LEKR1: variants seen among roughly 807,000 people sequenced by gnomAD.
The protein encoded by LEKR1 is protein LEKR1.
LEKR1 carries 59 observed loss-of-function variants against 72.4 expected under a neutral mutation model. The ratio of observed to expected loss-of-function variants is 0.82; its 90% CI spans 0.66 to 1.01. The LOEUF is 1.01. Ranked by LOEUF, LEKR1 falls within the 50% of genes least tolerant of loss-of-function variation. The pLI, the probability that LEKR1 is intolerant of heterozygous loss-of-function variation, is 0.00. For missense variants in LEKR1, 728 were observed against 759.2 expected, an observed-to-expected ratio of 0.96 and a Z score of 0.48; for synonymous variants, 257 against 263.2, an observed-to-expected ratio of 0.98 and a Z score of 0.23.
intron 9 of LEKR1, among the ~76,000 whole-genome samples, chr3:157,005,615 A>G (rs1260747689): frequency 6.6e-6 from 1 of 152,174 alleles, no homozygotes; most frequent in Admixed American, 6.5e-5. Context: ...TAAATCATGA[A>G]TAAGTGGAGT....
At chr3:156,952,316 A>G (rs1400895183) in intron 6 of LEKR1, among the ~76,000 whole-genome samples, 1 of 151,478 alleles carries the variant, frequency 6.6e-6, no homozygotes, top group Non-Finnish European at 1.5e-5. Context: ...AGTAGTAGCA[A>G]CAAAAATGCA....
chr3:156,976,127 A>G (rs896304685), intron 6 of LEKR1, among the ~76,000 whole-genome samples: 1 of 152,140 alleles, frequency 6.6e-6, no homozygotes, highest in African/African-American at 2.4e-5. Flanking sequence ...GGACCAGACT[A>G]GTCTACCAGA....
intron 2 of LEKR1, among the ~76,000 whole-genome samples, chr3:156,830,570 C>T (rs903238670): frequency 6.6e-6 from 1 of 152,090 alleles, no homozygotes; most frequent in African/African-American, 2.4e-5. Flanking sequence ...CCAACAGGTG[C>T]AAAAACCATG....
At chr3:156,971,798 C>G (rs1018306793) in intron 6 of LEKR1, among the ~76,000 whole-genome samples, 11 of 152,312 alleles carry the variant, frequency 7.2e-5, no homozygotes, top group African/African-American at 1.9e-4. Flanking sequence ...GAGATACCAT[C>G]TCACACCAGT....
At chr3:156,928,641 G>T (rs1290213012) in intron 5 of LEKR1, among the ~76,000 whole-genome samples, 1 of 152,010 alleles carries the variant, frequency 6.6e-6, no homozygotes, top group South Asian at 2.1e-4. Context: ...GAAGTAAGGG[G>T]ATATCCCAGA....
chr3:156,967,184 A>C (rs934273919), intron 6 of LEKR1, among the ~76,000 whole-genome samples: 3 of 152,230 alleles, frequency 2.0e-5, no homozygotes, highest in Non-Finnish European at 4.4e-5. Flanking sequence ...GGGAAAAAAC[A>C]GAGCAGAAAA....
chr3:156,925,558 A>G (rs2108574842), intron 4 of LEKR1, among the ~76,000 whole-genome samples: 1 of 152,038 alleles, frequency 6.6e-6, no homozygotes, highest in Admixed American at 6.6e-5. Context: ...CTTATTTCAC[A>G]GAGAATGTTA....
At chr3:156,955,936 G>A (rs1177400282) in intron 6 of LEKR1, among the ~76,000 whole-genome samples, 1 of 145,108 alleles carries the variant, frequency 6.9e-6, no homozygotes, top group South Asian at 2.3e-4. Flanking sequence ...TTGGGAAAAG[G>A]ATGTTCATAC....
intron 3 of LEKR1, among the ~76,000 whole-genome samples, chr3:156,880,736 AT>A (rs1719206893): frequency 6.6e-6 from 1 of 152,250 alleles, no homozygotes; most frequent in Non-Finnish European, 1.5e-5. Flanking sequence ...ATGAACATTG[AT>A]GCAAAAATCC....
In LEKR1 at chr3:156,914,211, C is replaced by A. The variant is rs534785188; in HGVS notation, c.264-6364C>A. Reference sequence around the variant, plus strand: ...TAAGTTCTGTGATACATGTGCAGAACGTGCAGGTTTGTTACATAAGTATAC... The same window carrying A: ...TAAGTTCTGTGATACATGTGCAGAAAGTGCAGGTTTGTTACATAAGTATAC... On this transcript the variant is annotated intron_variant, in intron 3 of 12. Coordinates refer to ENST00000356539, the MANE Select transcript of LEKR1 (RefSeq NM_001004316.3). Among the ~76,000 whole-genome samples the A allele has an allele frequency of 6.6e-5, 10 of 152,216 alleles. No homozygotes were observed. In the South Asian group the frequency reaches 2.1e-3, roughly 32 times the overall value.
intron 3 of LEKR1, among the ~76,000 whole-genome samples, chr3:156,917,684 A>G (rs1560078453): frequency 6.6e-6 from 1 of 152,162 alleles, no homozygotes; most frequent in Non-Finnish European, 1.5e-5. Flanking sequence ...ATAAAATAAC[A>G]TGTTCAGACA....
chr3:156,835,951 G>T (rs1002636592), intron 2 of LEKR1, among the ~76,000 whole-genome samples: 2 of 129,696 alleles, frequency 1.5e-5, no homozygotes, highest in Admixed American at 2.0e-4. Flanking sequence ...TCGACTCACT[G>T]CAACCTTCGC....
At chr3:156,865,700 G>A (rs560081801) in intron 3 of LEKR1, among the ~76,000 whole-genome samples, 3 of 152,070 alleles carry the variant, frequency 2.0e-5, no homozygotes, top group African/African-American at 7.2e-5. Context: ...ATAGGTTCAT[G>A]TTTTCTTTAG....
At chr3:156,862,201 G>T (rs1205538740) in intron 3 of LEKR1, among the ~76,000 whole-genome samples, 1 of 151,586 alleles carries the variant, frequency 6.6e-6, no homozygotes, top group African/African-American at 2.4e-5. Context: ...TTTTTTTTCT[G>T]CTTTGTCTTT....
intron 9 of LEKR1, among the ~76,000 whole-genome samples, chr3:157,001,221 TA>T (rs1213667937): frequency 1.3e-5 from 2 of 152,200 alleles, no homozygotes; most frequent in Non-Finnish European, 2.9e-5. Flanking sequence ...TTGAAAACAA[TA>T]AATTTTATCA....
intron 3 of LEKR1, among the ~76,000 whole-genome samples, chr3:156,855,189 G>A (rs192056297): frequency 6.6e-6 from 1 of 152,270 alleles, no homozygotes; most frequent in Admixed American, 6.5e-5. Flanking sequence ...CTGAAAGAAA[G>A]CAAATGCCAG....
chr3:156,862,828 C>T (rs2108542828), intron 3 of LEKR1, among the ~76,000 whole-genome samples: 2 of 152,144 alleles, frequency 1.3e-5, no homozygotes, highest in East Asian at 3.9e-4. Context: ...GAGTTCCACT[C>T]AGTGGAGTAG....
In LEKR1 at chr3:156,829,305, C is replaced by T. The variant is rs1364821937; in HGVS notation, c.-25C>T. On this transcript the variant is annotated 5_prime_UTR_variant, in exon 2 of 13. Transcript: ENST00000356539. ...TCTTAGATTTCCTTTGGCTTCAAAG[C>T]TCTCTCACCATATTTTGGGAAGTTA... The T allele has an allele frequency of 1.3e-6, 2 of 1,496,596 alleles. No homozygotes were observed. Among genetic ancestry groups the T allele is most frequent in the East Asian group, 2.5e-5 (1 of 40,518 alleles). The allele number at this position is 1,496,596 out of a possible 1,614,324, so 92.7% of individuals were successfully genotyped here. A position where few individuals can be genotyped will look rare whatever the true frequency, so the allele number is the denominator to read the frequency against.
At chr3:156,836,176 G>A (rs536561187) in intron 2 of LEKR1, among the ~76,000 whole-genome samples, 85 of 152,088 alleles carry the variant, frequency 5.6e-4, no homozygotes, top group African/African-American at 2.0e-3. Context: ...CCCAGCCAAA[G>A]CAAAGTAATT....
Sources: gnomAD v4.1 joint callset for allele counts (sites outside exome capture counted in the v4.1 genomes callset) on GRCh38, gnomAD v4.1.1 for gene constraint, MANE v1.5 for transcripts, NCBI Gene and HGNC (gene_info 2026-07-23, HGNC 2026-07-21) for gene names.